The following PEX6 variants were observed in gnomAD, a reference collection of about 807,000 sequenced individuals.
The protein encoded by PEX6 is peroxisomal biogenesis factor 6, also known as peroxisome biogenesis factor 6.
Under a neutral mutation model 85.6 loss-of-function variants are expected in PEX6, and 55 were observed. That is an observed-to-expected ratio of 0.64 (90% CI 0.52 to 0.80). The LOEUF is 0.80. Among genes scored for constraint, PEX6 ranks in the 30% least tolerant of loss-of-function variants. PEX6 has a pLI of 0.00. For synonymous variants in PEX6, 519 were observed against 549.1 expected, an observed-to-expected ratio of 0.95 and a Z score of 0.77; for missense variants, 1,099 against 1,260.3, an observed-to-expected ratio of 0.87 and a Z score of 1.94.
intron 1 of PEX6, among the ~76,000 whole-genome samples, chr6:42,976,035 TG>T (rs1190706342): frequency 7.9e-5 from 12 of 151,710 alleles, no homozygotes; most frequent in Non-Finnish European, 4.4e-5. Flanking sequence ...ACGACAGGCA[TG>T]TGCCACCACA....
At chr6:42,970,905 G>C (rs1400152667) in intron 3 of PEX6, among the ~76,000 whole-genome samples, 1 of 152,196 alleles carries the variant, frequency 6.6e-6, no homozygotes, top group African/African-American at 2.4e-5. Flanking sequence ...GAGTGTCATA[G>C]TGAGTTAGGG....
Position 42,978,621 on chromosome 6 carries a change from G to A in PEX6, c.530C>T (p.Pro177Leu), listed in dbSNP as rs1487319129. ...AAAGGAGGACACCACGGGCGGGGGT[G>A]GGGGCCGACTGCTGTCCCCAGACTC... The part of the protein sequence containing the change: ...CPESGDSSRP[P>L]PPPVVSSFAV... Residue 177 changes from proline (P) to leucine (L), a missense_variant, in exon 1 of 17, where the codon CCA becomes CTA. Physicochemically the swap from Pro to Leu is moderately conservative, Grantham distance 98. Coordinates refer to ENST00000304611, the MANE Select transcript of PEX6 (RefSeq NM_000287.4). The A allele has an allele frequency of 1.9e-6, 3 of 1,597,304 alleles. No individual in the cohort carries two copies. The highest frequency in any genetic ancestry group is 2.7e-5 in the African/African-American group (2 of 74,610).
Position 42,979,179 on chromosome 6 carries a change from AG to A in PEX6, c.-30del, listed in dbSNP as rs749494371. 7.0e-6 allele frequency: 11 copies of A among 1,566,408 alleles called. No homozygotes were observed. The highest frequency in any genetic ancestry group is 9.4e-6 in the Non-Finnish European group (11 of 1,164,776). ...GACAGGACACCAACGAGGAGGGTGA[AG>A]GAGCGCAGCTTCCGGAGCCAGAGAG... On this transcript the variant is annotated 5_prime_UTR_variant, in exon 1 of 17. Transcript: ENST00000304611.
At chr6:42,967,041 C>T (rs1389835224) in intron 8 of PEX6, among the ~76,000 whole-genome samples, 183 bp from the exon 9 acceptor site, 1 of 142,854 alleles carries the variant, frequency 7.0e-6, no homozygotes, top group South Asian at 2.3e-4. Context: ...GGCGCGATCT[C>T]GGCTCACCGC....
chr6:42,975,737 G>A (rs1770267697), intron 1 of PEX6, among the ~76,000 whole-genome samples: 1 of 146,856 alleles, frequency 6.8e-6, no homozygotes, highest in South Asian at 2.1e-4. Context: ...TTGAGACTTA[G>A]TCTCACTTTG....
At position 42,975,120 on chromosome 6, in the gene PEX6, A is replaced by G. The variant is rs1239445638; in HGVS notation, c.883-82T>C. 6.8e-6 allele frequency: 8 copies of G among 1,170,674 alleles called. No individual in the cohort carries two copies. The Admixed American group carries it at 1.4e-4, about 20-fold the overall frequency. The allele number at this position is 1,170,674 out of a possible 1,614,324, so 72.5% of individuals were successfully genotyped here. A position where few individuals can be genotyped will look rare whatever the true frequency, so the allele number is the denominator to read the frequency against. On this transcript the variant is annotated intron_variant, in intron 1 of 16. Coordinates refer to ENST00000304611, the MANE Select transcript of PEX6 (RefSeq NM_000287.4). ...CTGTCTCTCAGCAGCCAACATGTCT[A>G]TTTCCATCCTGTCTTTCCCATAACC...
intron 1 of PEX6, among the ~76,000 whole-genome samples, chr6:42,975,711 A>G (rs1036121406): frequency 1.3e-5 from 2 of 151,486 alleles, no homozygotes; most frequent in African/African-American, 4.8e-5. Context: ...AACATGATTT[A>G]GTTTTTTTTT....
At position 42,965,376 on chromosome 6, in the gene PEX6, G is replaced by C; in HGVS notation, c.2472-8C>G. The C allele has an allele frequency of 6.2e-7, 1 of 1,602,914 alleles. No homozygotes were observed. The highest frequency in any genetic ancestry group is 8.5e-7 in the Non-Finnish European group (1 of 1,170,298). ...AGGAGCTGAGACACCACCCTGGAGA[G>C]AAGGGAGCAAGGGCAAGAGTCCTTG... is the stretch of plus-strand genomic sequence containing the variant. On this transcript the variant is annotated splice_polypyrimidine_tract_variant and splice_region_variant and intron_variant, in intron 13 of 16. Coordinates refer to ENST00000304611, the MANE Select transcript of PEX6 (RefSeq NM_000287.4). The surrounding 1 kb of genome is among the most constrained non-coding windows in gnomAD (Gnocchi z 5.0).
rs774145857 is a variant in PEX6 at position 42,964,412 on chromosome 6, C to T, written c.2866G>A (p.Ala956Thr). Residue 956 changes from alanine (A) to threonine (T), a missense_variant, in exon 17 of 17, where the codon GCC (alanine) becomes ACC (threonine). This residue lies in a region of PEX6 where 514 missense variants were observed against 627.0 expected (regional missense o/e 0.82). Transcript: ENST00000304611. The surrounding 1 kb of genome is among the most constrained non-coding windows in gnomAD (Gnocchi z 4.6). ...TCACTGACTGAGGGTTGCAGCCGGG[C>T]GGCAGCCTGCAGCAAGTCCTCCATG... Reference protein sequence around the residue: ...LTMEDLLQAAARLQPSVSEQE... With the variant: ...LTMEDLLQAATRLQPSVSEQE... The T allele has an allele frequency of 6.8e-6, 11 of 1,613,684 alleles. No individual in the cohort carries two copies. The highest frequency in any genetic ancestry group is 4.0e-5 in the African/African-American group (3 of 74,944).
Position 42,968,948 on chromosome 6 carries a change from G to T in PEX6, c.1405C>A (p.Arg469=), listed in dbSNP as rs757334412. Reference sequence around the variant, plus strand: ...GTCTTCCCACAGCCTGGGGGGCCCCGTAGAAGGACACTGCTAGTTCCTGTC... The same window carrying T: ...GTCTTCCCACAGCCTGGGGGGCCCCTTAGAAGGACACTGCTAGTTCCTGTC... The part of the protein sequence containing the change: ...LLTGTSSVLL[R]GPPGCGKTTV... The change falls in exon 6 of 17, where the codon CGG becomes AGG. Residue 469 remains arginine, a synonymous_variant. Transcript: ENST00000304611. 1 of 1,613,820 alleles carries T rather than the reference G, an allele frequency of 6.2e-7. No individual in the cohort carries two copies. The highest frequency in any genetic ancestry group is 8.5e-7 in the Non-Finnish European group (1 of 1,179,914).
At chr6:42,976,661 C>A (rs958166702) in intron 1 of PEX6, among the ~76,000 whole-genome samples, 1 of 151,348 alleles carries the variant, frequency 6.6e-6, no homozygotes, top group African/African-American at 2.4e-5. Flanking sequence ...CTGCGCCTGG[C>A]CTTTTTTTTT....
chr6:42,978,578 C>T lies in PEX6; in HGVS notation c.573G>A (p.Val191=), dbSNP rs2150239764. The stretch of plus-strand genomic sequence containing the variant: ...CTCCCAGAACTCCCTGGAGTCGCCG[C>T]ACTGTGCCAGAAACCGCAAAGGAGG... The part of the protein sequence containing the change: ...VVSSFAVSGT[V]RRLQGVLGGT... The change falls in exon 1 of 17, where the codon GTG becomes GTA. Residue 191 remains valine, a synonymous_variant. Coordinates refer to ENST00000304611, the MANE Select transcript of PEX6 (RefSeq NM_000287.4). The T allele has an allele frequency of 1.9e-6, 3 of 1,612,042 alleles. No homozygotes were observed. The highest frequency in any genetic ancestry group is 2.2e-5 in the East Asian group (1 of 44,872).
chr6:42,968,807 A>G, intron 6 of PEX6, 67 bp downstream of exon 6: 2 of 1,169,522 alleles, frequency 1.7e-6, no homozygotes, highest in East Asian at 2.3e-5. Context: ...GAGAGGAAGC[A>G]GCAGAGAGGG....
chr6:42,966,934 G>A (rs1769834673), intron 8 of PEX6, 76 bp from the exon 9 acceptor site: 3 of 1,036,402 alleles, frequency 2.9e-6, no homozygotes, highest in Non-Finnish European at 4.5e-6. Context: ...CCCAGCTAGA[G>A]CAGAGGCCCT....
At chr6:42,973,124 G>A (rs376758783) in intron 3 of PEX6, among the ~76,000 whole-genome samples, 4 of 152,024 alleles carry the variant, frequency 2.6e-5, no homozygotes, top group African/African-American at 2.4e-5. Context: ...TGATTCTCCC[G>A]CCTCAGCCTC....
At position 42,966,513 on chromosome 6, in the gene PEX6, CT is replaced by C. The variant is rs760589032; in HGVS notation, c.2094+11del. 3.3e-5 allele frequency: 53 copies of C among 1,614,044 alleles called. No homozygotes were observed. The South Asian group carries it at 5.8e-4, about 18-fold the overall frequency. On this transcript the variant is annotated intron_variant, in intron 10 of 16. Coordinates refer to ENST00000304611, the MANE Select transcript of PEX6 (RefSeq NM_000287.4). ...GGGGCTCCTGTCCCACCTCCAAGGACTTGGTCTCCACCTTGGGGGCTCCAAC... is the reference window on the plus strand; with the variant it reads ...GGGGCTCCTGTCCCACCTCCAAGGACTGGTCTCCACCTTGGGGGCTCCAAC...
In PEX6 at chr6:42,979,180, G is replaced by C. The variant is rs1319262743; in HGVS notation, c.-30C>G. 6.4e-7 allele frequency: 1 copy of C among 1,566,022 alleles called. No homozygotes were observed. The highest frequency in any genetic ancestry group is 8.6e-7 in the Non-Finnish European group (1 of 1,164,570). ...ACAGGACACCAACGAGGAGGGTGAA[G>C]GAGCGCAGCTTCCGGAGCCAGAGAG... On this transcript the variant is annotated 5_prime_UTR_variant, in exon 1 of 17. Coordinates refer to ENST00000304611, the MANE Select transcript of PEX6 (RefSeq NM_000287.4).
chr6:42,976,650 AC>A (rs1770311985), intron 1 of PEX6, among the ~76,000 whole-genome samples: 1 of 149,938 alleles, frequency 6.7e-6, no homozygotes, highest in Non-Finnish European at 1.5e-5. Context: ...GGCATGAGCC[AC>A]TGCGCCTGGC....
chr6:42,965,170 G>C lies in PEX6; in HGVS notation c.2589-18C>G. On this transcript the variant is annotated intron_variant, in intron 14 of 16. Coordinates refer to ENST00000304611, the MANE Select transcript of PEX6 (RefSeq NM_000287.4). The surrounding 1 kb of genome is among the most constrained non-coding windows in gnomAD (Gnocchi z 5.0). ...TGTCAAATCTTTAGGGAGATAGGCA[G>C]GTATAAGTTTCAGGGAGCCCAGCCA... 1 of 1,613,796 alleles carries C rather than the reference G, an allele frequency of 6.2e-7. No homozygotes were observed. The highest frequency in any genetic ancestry group is 2.2e-5 in the East Asian group (1 of 44,888).
Sources: allele counts gnomAD v4.1 joint callset (sites outside exome capture counted in the v4.1 genomes callset), GRCh38; gene constraint gnomAD v4.1.1; regional missense constraint gnomAD v4.1.1; non-coding constraint Gnocchi (gnomAD v3.1); transcripts MANE v1.5; gene names NCBI Gene and HGNC (gene_info 2026-07-23, HGNC 2026-07-21).